The following GRIA4 variants were observed in gnomAD, a reference collection of about 807,000 sequenced individuals.
GRIA4 encodes glutamate ionotropic receptor AMPA type subunit 4.
A neutral mutation model predicts 104.0 loss-of-function variants in GRIA4; 34 were observed. That is an observed-to-expected ratio of 0.33 (90% CI 0.25 to 0.44). GRIA4 has a LOEUF of 0.44. GRIA4 is among the 20% of genes least tolerant of loss of function. The pLI, the probability that GRIA4 is intolerant of heterozygous loss-of-function variation, is 1.00. For missense variants in GRIA4, 750 were observed against 1,096.5 expected, an observed-to-expected ratio of 0.68 and a Z score of 4.46; for synonymous variants, 386 against 381.9, an observed-to-expected ratio of 1.01 and a Z score of -0.13.
At chr11:105,952,079 C>T (rs1055573811) in intron 14 of GRIA4, among the ~76,000 whole-genome samples, 3 of 152,206 alleles carry the variant, frequency 2.0e-5, no homozygotes, top group Admixed American at 1.3e-4. Flanking sequence ...CTTAAAACCT[C>T]TGCTCTATTA....
intron 3 of GRIA4, among the ~76,000 whole-genome samples, chr11:105,622,531 T>C (rs1384066331): frequency 1.3e-5 from 2 of 151,958 alleles, no homozygotes; most frequent in East Asian, 3.9e-4. Context: ...TTTCTGATAG[T>C]CTTGCTTCTT....
intron 14 of GRIA4, among the ~76,000 whole-genome samples, chr11:105,940,685 G>A (rs1419967242): frequency 6.6e-6 from 1 of 152,046 alleles, no homozygotes; most frequent in Non-Finnish European, 1.5e-5. Flanking sequence ...ATGGTTTTCT[G>A]CAAAACTGAA....
intron 4 of GRIA4, among the ~76,000 whole-genome samples, chr11:105,859,628 C>A (rs1426238569): frequency 6.6e-6 from 1 of 152,072 alleles, no homozygotes; most frequent in Non-Finnish European, 1.5e-5. Context: ...GCCAGAAATG[C>A]AGCAATATTT....
intron 11 of GRIA4, 88 bp from the exon 12 acceptor site, chr11:105,924,311 C>A: frequency 1.1e-6 from 1 of 928,480 alleles, no homozygotes; most frequent in Non-Finnish European, 1.6e-6. Context: ...AAACGCATGA[C>A]TGGTTAGCTT....
chr11:105,705,551 A>G (rs1020525622), intron 3 of GRIA4, among the ~76,000 whole-genome samples: 1 of 152,194 alleles, frequency 6.6e-6, no homozygotes, highest in Non-Finnish European at 1.5e-5. Flanking sequence ...AACACATAAA[A>G]TTGAAGGAAA....
At chr11:105,814,954 G>C (rs952250953) in intron 4 of GRIA4, among the ~76,000 whole-genome samples, 2 of 152,092 alleles carry the variant, frequency 1.3e-5, no homozygotes, top group Non-Finnish European at 2.9e-5. Context: ...ATAGTGATTG[G>C]TTCAGAGTAG....
intron 3 of GRIA4, among the ~76,000 whole-genome samples, chr11:105,711,283 G>A (rs1050755903): frequency 2.0e-5 from 3 of 151,928 alleles, no homozygotes; most frequent in African/African-American, 7.3e-5. Context: ...CTATGAGTCG[G>A]GGGAGAGGGG....
chr11:105,772,642 A>G (rs1022738287), intron 4 of GRIA4, among the ~76,000 whole-genome samples: 1 of 152,110 alleles, frequency 6.6e-6, no homozygotes, highest in Non-Finnish European at 1.5e-5. Context: ...TCAACTGTAT[A>G]TATTATCCAT....
intron 3 of GRIA4, among the ~76,000 whole-genome samples, chr11:105,637,887 G>A (rs1232338479): frequency 1.3e-5 from 2 of 152,088 alleles, no homozygotes; most frequent in Non-Finnish European, 2.9e-5. Flanking sequence ...GCTTATCACC[G>A]ATGAAAAACT....
At chr11:105,640,192 T>G (rs539953419) in intron 3 of GRIA4, among the ~76,000 whole-genome samples, 3 of 152,098 alleles carry the variant, frequency 2.0e-5, no homozygotes, top group African/African-American at 4.8e-5. Flanking sequence ...GGAAGACATT[T>G]GCTTACTTAA....
At chr11:105,898,121 C>A in intron 6 of GRIA4, 148 bp from the exon 7 acceptor site, 2 of 468,412 alleles carry the variant, frequency 4.3e-6, no homozygotes, top group Non-Finnish European at 7.6e-6. Context: ...TTAGATTTTC[C>A]ACATCTTTTA....
rs1947655765 is a variant in GRIA4 at position 105,924,590 on chromosome 11, T to C, written c.1668T>C (p.Ile556=). Residue 556 remains isoleucine, a synonymous_variant, in exon 12 of 17, where the codon ATT becomes ATC. Coordinates refer to ENST00000282499, the MANE Select transcript of GRIA4 (RefSeq NM_000829.4). The part of the protein sequence containing the change: ...EIWMCIVFAY[I]GVSVVLFLVS... The stretch of plus-strand genomic sequence containing the variant: ...GGATGTGCATAGTCTTTGCCTACAT[T>C]GGTGTCAGCGTGGTCTTATTCCTAG... 1 of 1,612,688 alleles carries C rather than the reference T, an allele frequency of 6.2e-7. No individual in the cohort carries two copies. Among genetic ancestry groups the C allele is most frequent in the Non-Finnish European group, 8.5e-7 (1 of 1,179,042 alleles).
At chr11:105,908,285 T>A (rs548653424) in intron 9 of GRIA4, among the ~76,000 whole-genome samples, 45 of 152,330 alleles carry the variant, frequency 3.0e-4, no homozygotes, top group African/African-American at 9.9e-4. Context: ...GCTTCCATAT[T>A]TTTGCTCTAG....
At position 105,616,959 on chromosome 11, in the gene GRIA4, G is replaced by A. The variant is rs568894243; in HGVS notation, c.247+4525G>A. Among the ~76,000 whole-genome samples, 169 of 151,408 alleles carry A rather than the reference G, an allele frequency of 1.1e-3. 1 individual carries two copies. Among genetic ancestry groups the A allele is most frequent in the Admixed American group, 3.8e-3 (57 of 15,176 alleles). On this transcript the variant is annotated intron_variant, in intron 3 of 16. Coordinates refer to ENST00000282499, the MANE Select transcript of GRIA4 (RefSeq NM_000829.4). ...AGTTTTTCTCTTTCTTAAGTGATAG[G>A]ATGATGCATAATTTGTATATATTTG...
At chr11:105,667,077 T>C (rs558451260) in intron 3 of GRIA4, among the ~76,000 whole-genome samples, 2 of 152,170 alleles carry the variant, frequency 1.3e-5, no homozygotes, top group Admixed American at 1.3e-4. Context: ...ACTACACATA[T>C]TCAGAGCCAG....
Position 105,861,953 on chromosome 11 carries a change from G to A in GRIA4, c.488-71G>A. 4.5e-6 allele frequency: 4 copies of A among 882,258 alleles called. No individual in the cohort carries two copies. The East Asian group carries it at 9.6e-5, about 21-fold the overall frequency. The allele number at this position is 882,258 out of a possible 1,614,324, so 54.7% of individuals were successfully genotyped here. The stretch of plus-strand genomic sequence containing the variant: ...TTGGAACATAACAGTGTTGATATAG[G>A]CTCAGTACCTGCATACATCATTAAA... On this transcript the variant is annotated intron_variant, in intron 4 of 16. Transcript: ENST00000282499.
In GRIA4 at chr11:105,957,541, G is replaced by C. The variant is rs188372916; in HGVS notation, c.2295-14373G>C. ...TTGTAGTATAGTTTGAAGTCAGGTAGTGTGATGCCTCCAGCTTTGTTCTTT... is the reference window on the plus strand; with the variant it reads ...TTGTAGTATAGTTTGAAGTCAGGTACTGTGATGCCTCCAGCTTTGTTCTTT... On this transcript the variant is annotated intron_variant, in intron 14 of 16. Coordinates refer to ENST00000282499, the MANE Select transcript of GRIA4 (RefSeq NM_000829.4). Among the ~76,000 whole-genome samples the C allele has an allele frequency of 1.1e-4, 17 of 152,310 alleles. 1 individual carries two copies. The South Asian group carries it at 2.5e-3, about 22-fold the overall frequency.
chr11:105,687,917 A>G (rs1457461174), intron 3 of GRIA4, among the ~76,000 whole-genome samples: 1 of 152,116 alleles, frequency 6.6e-6, no homozygotes, highest in East Asian at 1.9e-4. Flanking sequence ...ATTTATCTTC[A>G]CTTTCTCTTC....
At chr11:105,931,630 G>A (rs1947878529) in intron 13 of GRIA4, among the ~76,000 whole-genome samples, 1 of 151,970 alleles carries the variant, frequency 6.6e-6, no homozygotes, top group South Asian at 2.1e-4. Flanking sequence ...GCTTGAACCT[G>A]GGAGGCAGAG....
Sources: allele counts gnomAD v4.1 joint callset (sites outside exome capture counted in the v4.1 genomes callset), GRCh38; gene constraint gnomAD v4.1.1; transcripts MANE v1.5; gene names NCBI Gene and HGNC (gene_info 2026-07-23, HGNC 2026-07-21).